Variants in CBR4 observed in about 807,000 individuals in gnomAD.
CBR4 encodes the protein 3-oxoacyl-[acyl-carrier-protein] reductase.
A neutral mutation model predicts 21.0 loss-of-function variants in CBR4; 22 were observed. The ratio of observed to expected loss-of-function variants is 1.05; its 90% CI spans 0.75 to 1.50. The LOEUF (loss-of-function observed/expected upper bound fraction) is 1.50, where lower values mean the gene tolerates loss of function less well. CBR4 is among the 40% of genes most tolerant of loss of function. The pLI is 0.00. For synonymous variants in CBR4, 100 were observed against 104.4 expected (o/e 0.96, Z 0.26); for missense variants, 302 against 286.3 (o/e 1.05, Z -0.40).
chr4:168,897,502 A>C (rs1054633095), intron 2 of CBR4, among the ~76,000 whole-genome samples: 5 of 152,198 alleles, frequency 3.3e-5, no homozygotes, highest in Non-Finnish European at 5.9e-5. Flanking sequence ...GCTTGAGTGC[A>C]GTGGCACAAT....
chr4:168,955,315 T>A (rs764288478), intron 2 of CBR4, among the ~76,000 whole-genome samples: 5 of 152,102 alleles, frequency 3.3e-5, no homozygotes, highest in Non-Finnish European at 7.4e-5. Context: ...ACCAAATGAA[T>A]CAGAGATTAA....
At chr4:168,951,421 GTACCATTCCAT>G (rs1763537874) in intron 2 of CBR4, among the ~76,000 whole-genome samples, 1 of 152,212 alleles carries the variant, frequency 6.6e-6, no homozygotes, top group Non-Finnish European at 1.5e-5. Context: ...GAGATGCAAT[GTACCATTCCAT>G]TCATCATGCT....
chr4:168,925,480 G>A (rs1206317075), intron 2 of CBR4: 2 of 580,894 alleles, frequency 3.4e-6, no homozygotes, highest in African/African-American at 1.9e-5. Context: ...CTATCGCAGT[G>A]TCCTAATGCA....
chr4:168,913,843 T>C (rs1366697836), intron 2 of CBR4: 9 of 924,290 alleles, frequency 9.7e-6, no homozygotes, highest in East Asian at 2.4e-5. Flanking sequence ...TAATGTCTTA[T>C]AGAGAATAGG....
At chr4:168,974,375 G>A (rs1764306369) in intron 2 of CBR4, among the ~76,000 whole-genome samples, 1 of 152,186 alleles carries the variant, frequency 6.6e-6, no homozygotes, top group Admixed American at 6.5e-5. Context: ...ATAACCTGAT[G>A]ACCATGTGCC....
In CBR4 at chr4:169,010,085, T is replaced by G; in HGVS notation, c.5A>C (p.Asp2Ala). The G allele has an allele frequency of 6.2e-7, 1 of 1,608,216 alleles. No homozygotes were observed. Among genetic ancestry groups the G allele is most frequent in the Non-Finnish European group, 8.5e-7 (1 of 1,178,218 alleles). The change falls in exon 1 of 5, where the codon GAC becomes GCC. Residue 2 changes from aspartate (D) to alanine (A), a missense_variant. Transcript: ENST00000306193. ...GCCTCCAAAAACAGCACACACTTTG[T>G]CCATCTCGGAGTCACAAACTCGGAG... is the stretch of plus-strand genomic sequence containing the variant. Reference protein sequence around the residue: MDKVCAVFGGSR... With the variant: MAKVCAVFGGSR...
chr4:168,975,808 TTA>T (rs939268102), intron 2 of CBR4, among the ~76,000 whole-genome samples: 2 of 151,978 alleles, frequency 1.3e-5, no homozygotes, highest in Non-Finnish European at 2.9e-5. Flanking sequence ...GCCAATTAAG[TTA>T]TGTTCCCAGG....
chr4:168,933,763 A>G (rs1388236416), intron 2 of CBR4, among the ~76,000 whole-genome samples: 1 of 152,224 alleles, frequency 6.6e-6, no homozygotes, highest in African/African-American at 2.4e-5. Context: ...ATATATTAGG[A>G]CACAAACCAA....
At chr4:168,928,311 TTTATA>T (rs1163924433) in intron 2 of CBR4, 1 of 141,922 alleles carries the variant, frequency 7.0e-6, no homozygotes, top group Non-Finnish European at 1.5e-5. Flanking sequence ...TTTTGCCACC[TTTATA>T]TTGTATTTAT....
chr4:168,940,338 T>C (rs1460454853), intron 2 of CBR4, among the ~76,000 whole-genome samples: 1 of 152,152 alleles, frequency 6.6e-6, no homozygotes, highest in Non-Finnish European at 1.5e-5. Flanking sequence ...ATAAAAACCC[T>C]AGAAGGAAAC....
chr4:168,925,225 A>G lies in CBR4; in HGVS notation n.170-30460T>C, dbSNP rs747803850. On this transcript the variant is annotated intron_variant and non_coding_transcript_variant, in intron 2 of 3. Coordinates refer to the CBR4 transcript ENST00000509108. ...TTCATATTGCTCTCTCTCTCTTTCT[A>G]TTTGTAGTTTCTCGACATTAATAGT... 13 of 1,604,072 alleles carry G rather than the reference A, an allele frequency of 8.1e-6. No homozygotes were observed. In the East Asian group the frequency reaches 2.2e-4, roughly 28 times the overall value.
At chr4:168,969,545 C>G (rs943606170) in intron 2 of CBR4, among the ~76,000 whole-genome samples, 1 of 152,104 alleles carries the variant, frequency 6.6e-6, no homozygotes, top group African/African-American at 2.4e-5. Context: ...AAAACAGCAG[C>G]AGAAGGATAG....
At chr4:168,918,532 G>A (rs1008168044) in intron 2 of CBR4, among the ~76,000 whole-genome samples, 2 of 152,098 alleles carry the variant, frequency 1.3e-5, no homozygotes, top group African/African-American at 4.8e-5. Flanking sequence ...GGGCTAGACG[G>A]GGAGAGGGAA....
downstream of CBR4, among the ~76,000 whole-genome samples, chr4:168,984,596 A>G (rs1424172578): frequency 6.6e-6 from 1 of 152,128 alleles, no homozygotes; most frequent in Non-Finnish European, 1.5e-5. Flanking sequence ...CCAAAGAGTC[A>G]TAGCAACAGC....
At chr4:168,894,527 A>T in intron 3 of CBR4, 1 of 1,116,390 alleles carries the variant, frequency 9.0e-7, no homozygotes, top group East Asian at 2.5e-5. Context: ...AGGGCAGTAC[A>T]TATTTGTGAT....
intron 2 of CBR4, chr4:168,894,770 G>A: frequency 1.3e-6 from 2 of 1,545,438 alleles, no homozygotes; most frequent in South Asian, 2.4e-5. Flanking sequence ...TGAGTTCTGT[G>A]GAAAGTAGAG....
At chr4:168,903,207 T>A (rs765508132) in intron 2 of CBR4, among the ~76,000 whole-genome samples, 2 of 152,192 alleles carry the variant, frequency 1.3e-5, no homozygotes, top group African/African-American at 2.4e-5. Context: ...AATAAAGCAG[T>A]AGTATTCCAC....
intron 2 of CBR4, among the ~76,000 whole-genome samples, chr4:168,973,534 G>T (rs549468165): frequency 6.6e-6 from 1 of 152,208 alleles, no homozygotes; most frequent in South Asian, 2.1e-4. Flanking sequence ...CACCATGTTG[G>T]TCAGGTTGGT....
chr4:168,918,279 G>A (rs1023399100), intron 2 of CBR4, among the ~76,000 whole-genome samples: 11 of 151,136 alleles, frequency 7.3e-5, no homozygotes, highest in African/African-American at 1.5e-4. Context: ...GCCAGGATAC[G>A]GGATCAGCCT....
Sources: allele counts gnomAD v4.1 joint callset (sites outside exome capture counted in the v4.1 genomes callset), GRCh38; gene constraint gnomAD v4.1.1; transcripts MANE v1.5; gene names NCBI Gene and HGNC (gene_info 2026-07-23, HGNC 2026-07-21).